SUPT20H: variants seen among roughly 807,000 people sequenced by gnomAD.
The protein encoded by SUPT20H is transcription factor SPT20 homolog.
SUPT20H carries 82 observed loss-of-function variants against 122.8 expected under a neutral mutation model. The observed-to-expected ratio is 0.67, with a 90% confidence interval of 0.56 to 0.80. SUPT20H has a LOEUF of 0.80. Ranked by LOEUF, SUPT20H falls within the 30% of genes least tolerant of loss-of-function variation. The pLI, the probability that SUPT20H is intolerant of heterozygous loss-of-function variation, is 0.00. For missense variants in SUPT20H, 831 were observed against 921.6 expected (o/e 0.90, Z 1.27); for synonymous variants, 291 against 313.0 (o/e 0.93, Z 0.74).
intron 10 of SUPT20H, among the ~76,000 whole-genome samples, chr13:37,032,650 C>T (rs1218981069): frequency 2.6e-5 from 4 of 152,092 alleles, no homozygotes; most frequent in African/African-American, 9.7e-5. Context: ...TCCAAGGGGA[C>T]CTAGTCACTG....
chr13:37,045,350 C>G lies in SUPT20H; in HGVS notation c.189G>C (p.Leu63Phe), dbSNP rs545212699. ...EVKKLRRNVN[L>F]LEKLVMQETL... ...TCTCTTGCATAACAAGCTTCTCTAA[C>G]AAGTTCACATTTCTTCTTAATTTCT... The change falls in exon 6 of 26, where the codon TTG (leucine) becomes TTC (phenylalanine). Residue 63 changes from leucine (L) to phenylalanine (F), a missense_variant. Leu to Phe is a conservative substitution (Grantham distance 22). Transcript: ENST00000350612. The G allele has an allele frequency of 8.1e-6, 13 of 1,613,364 alleles. No homozygotes were observed. Among genetic ancestry groups the G allele is most frequent in the Non-Finnish European group, 1.1e-5 (13 of 1,179,676 alleles).
At chr13:37,012,514 T>G (rs2059782484) in intron 23 of SUPT20H, 2 of 386,182 alleles carry the variant, frequency 5.2e-6, no homozygotes, top group Non-Finnish European at 9.4e-6. Context: ...GCATCTGTAT[T>G]TATTGTTTAA....
chr13:37,045,039 AG>A (rs1036667065), intron 6 of SUPT20H, among the ~76,000 whole-genome samples: 5 of 152,138 alleles, frequency 3.3e-5, no homozygotes, highest in African/African-American at 1.2e-4. Context: ...ATGCACATTC[AG>A]GAAAGATAAT....
chr13:37,010,455 TAAA>T (rs2059399195), intron 25 of SUPT20H, 94 bp downstream of exon 25: 1 of 1,129,220 alleles, frequency 8.9e-7, no homozygotes, highest in Non-Finnish European at 1.3e-6. Flanking sequence ...TGTACAGTCT[TAAA>T]AGACAGTAAA....
intron 17 of SUPT20H, 60 bp downstream of exon 17, chr13:37,025,260 C>G: frequency 7.2e-7 from 1 of 1,393,390 alleles, no homozygotes; most frequent in Non-Finnish European, 1.0e-6. Context: ...TGATTCTTAA[C>G]ATTTCTCAGA....
In SUPT20H at chr13:37,019,093, T is replaced by TG. The variant is rs2061034603; in HGVS notation, c.1872+248dup. 2.6e-5 allele frequency among the ~76,000 whole-genome samples: 4 copies of TG among 152,230 alleles called. No individual in the cohort carries two copies. The South Asian group carries it at 8.3e-4, about 31-fold the overall frequency. On this transcript the variant is annotated intron_variant, in intron 22 of 25. Transcript: ENST00000350612. ...GTAGGGAAGTATCCTCCTTGGTAGGTGCAAATTCTCCCCACTAGCACAGCT... is the reference window on the plus strand; with the variant it reads ...GTAGGGAAGTATCCTCCTTGGTAGGTGGCAAATTCTCCCCACTAGCACAGCT...
chr13:37,029,204 A>G (rs1566206667), intron 13 of SUPT20H, among the ~76,000 whole-genome samples: 2 of 152,144 alleles, frequency 1.3e-5, no homozygotes, highest in Non-Finnish European at 2.9e-5. Flanking sequence ...CAATACGCAA[A>G]CCAAAAGTAA....
chr13:37,028,823 T>A (rs1465489009), intron 13 of SUPT20H, among the ~76,000 whole-genome samples: 2 of 151,614 alleles, frequency 1.3e-5, no homozygotes, highest in East Asian at 3.9e-4. Flanking sequence ...CCGTGCCTGT[T>A]TATGCTCAGG....
intron 13 of SUPT20H, among the ~76,000 whole-genome samples, chr13:37,029,096 C>T (rs1426417021): frequency 3.3e-5 from 5 of 152,044 alleles, no homozygotes; most frequent in African/African-American, 7.3e-5. Flanking sequence ...CTTTTTAAGA[C>T]GTTATTATTG....
Position 37,009,326 on chromosome 13 carries a change from T to G in SUPT20H, c.*346A>C, listed in dbSNP as rs2059203937. 1.6e-6 allele frequency: 2 copies of G among 1,282,582 alleles called. No homozygotes were observed. The highest frequency in any genetic ancestry group is 2.3e-6 in the Non-Finnish European group (2 of 887,688). The allele number at this position is 1,282,582 out of a possible 1,614,324, so 79.5% of individuals were successfully genotyped here. A position where few individuals can be genotyped will look rare whatever the true frequency, so the allele number is the denominator to read the frequency against. On this transcript the variant is annotated 3_prime_UTR_variant, in exon 26 of 26. Coordinates refer to ENST00000350612, the MANE Select transcript of SUPT20H (RefSeq NM_001014286.3). ...CAGCCACCACATTTTCAAAACAGAT[T>G]TGTAAAAATTGTATTTGTTAACACT...
chr13:37,054,442 T>A (rs1399663615), intron 1 of SUPT20H, among the ~76,000 whole-genome samples: 2 of 152,204 alleles, frequency 1.3e-5, no homozygotes, highest in Admixed American at 6.5e-5. Flanking sequence ...GCTTCATCCA[T>A]GGGATGCAAG....
chr13:37,033,484 A>T lies in SUPT20H; in HGVS notation c.672T>A (p.Tyr224Ter). ...GGCGAGTGTTCATCTTTTGCTTGTTATAGAGCAGTCTGTTTGCAGTGCAGG... is the reference window on the plus strand; with the variant it reads ...GGCGAGTGTTCATCTTTTGCTTGTTTTAGAGCAGTCTGTTTGCAGTGCAGG... The part of the protein sequence containing the change: ...AVTCTANRLL[Y>*]NKQKMNTRPM... Residue 224 changes from tyrosine (Y) to a stop codon, truncating the protein, a stop_gained, in exon 10 of 26, where the codon TAT (tyrosine) becomes TAA (stop). Transcript: ENST00000350612. LOFTEE classifies it high-confidence loss of function. 1 of 1,613,122 alleles carries T rather than the reference A, an allele frequency of 6.2e-7. No individual in the cohort carries two copies. The highest frequency in any genetic ancestry group is 8.5e-7 in the Non-Finnish European group (1 of 1,179,562).
At chr13:37,024,753 A>G (rs1276552341) in intron 17 of SUPT20H, 3 of 190,998 alleles carry the variant, frequency 1.6e-5, no homozygotes, top group Admixed American at 1.2e-4. Flanking sequence ...GCAAGCTTCC[A>G]CTCTTCCATA....
Position 37,022,694 on chromosome 13 carries a change from T to C in SUPT20H, c.1592-614A>G. 1 of 992,250 alleles carries C rather than the reference T, an allele frequency of 1.0e-6. No individual in the cohort carries two copies. The highest frequency in any genetic ancestry group is 1.2e-6 in the Non-Finnish European group (1 of 832,446). 61.5% of individuals were successfully genotyped at this position (992,250 alleles called of 1,614,324 possible). A position where few individuals can be genotyped will look rare whatever the true frequency, so the allele number is the denominator to read the frequency against. On this transcript the variant is annotated intron_variant, in intron 19 of 25. Coordinates refer to ENST00000350612, the MANE Select transcript of SUPT20H (RefSeq NM_001014286.3). The surrounding 1 kb of genome is among the most constrained non-coding windows in gnomAD (Gnocchi z 4.5). ...ACTAATTCAAGACTTCATTTAAAAATATTGCTTATTTAGTGTAAAAGTCTG... is the reference window on the plus strand; with the variant it reads ...ACTAATTCAAGACTTCATTTAAAAACATTGCTTATTTAGTGTAAAAGTCTG...
At chr13:37,050,833 G>A (rs1016795618) in intron 2 of SUPT20H, among the ~76,000 whole-genome samples, 1 of 152,258 alleles carries the variant, frequency 6.6e-6, no homozygotes, top group Non-Finnish European at 1.5e-5. Flanking sequence ...AGAGGAGAAG[G>A]AAGACAGATG....
At chr13:37,057,529 A>G (rs1260423507) in intron 1 of SUPT20H, among the ~76,000 whole-genome samples, 2 of 150,178 alleles carry the variant, frequency 1.3e-5, no homozygotes, top group African/African-American at 2.4e-5. Flanking sequence ...GCCATTAAAA[A>G]AAAAAAAAAA....
At chr13:37,028,616 A>G (rs1212081101) in intron 13 of SUPT20H, among the ~76,000 whole-genome samples, 1 of 152,192 alleles carries the variant, frequency 6.6e-6, no homozygotes, top group African/African-American at 2.4e-5. Context: ...ACATATAATA[A>G]CAATGAACAT....
In SUPT20H at chr13:37,022,854, A is replaced by G; in HGVS notation, c.1592-774T>C. The G allele has an allele frequency of 9.3e-7, 1 of 1,072,244 alleles. No individual in the cohort carries two copies. The highest frequency in any genetic ancestry group is 6.5e-5 in the East Asian group (1 of 15,478). 66.4% of individuals were successfully genotyped at this position (1,072,244 alleles called of 1,614,324 possible). A position where few individuals can be genotyped will look rare whatever the true frequency, so the allele number is the denominator to read the frequency against. On this transcript the variant is annotated intron_variant, in intron 19 of 25. Coordinates refer to ENST00000350612, the MANE Select transcript of SUPT20H (RefSeq NM_001014286.3). This position sits in a 1 kb window ranked among gnomAD's most constrained non-coding sequence, Gnocchi z 4.5. ...TTTACAAAAAACAGTAATAAAGCAA[A>G]TATCTGAGAGATAATACTGCATCTT...
chr13:37,049,377 T>C (rs1283559379), intron 2 of SUPT20H, among the ~76,000 whole-genome samples: 1 of 152,194 alleles, frequency 6.6e-6, no homozygotes, highest in Non-Finnish European at 1.5e-5. Context: ...GGTGAAGCTA[T>C]GCTATGTCTT....
Sources: allele counts gnomAD v4.1 joint callset (sites outside exome capture counted in the v4.1 genomes callset), GRCh38; gene constraint gnomAD v4.1.1; non-coding constraint Gnocchi (gnomAD v3.1); transcripts MANE v1.5; gene names NCBI Gene and HGNC (gene_info 2026-07-23, HGNC 2026-07-21).